ANGPTL7: variants seen among roughly 807,000 people sequenced by gnomAD.
ANGPTL7 encodes the protein angiopoietin like 7, also known as angiopoietin-related protein 7.
In ANGPTL7, 37 loss-of-function variants were observed where a neutral mutation model predicts 38.8. The observed-to-expected ratio is 0.95, with a 90% CI of 0.73 to 1.25. The LOEUF is 1.25. Ranked by LOEUF, ANGPTL7 falls within the 50% of genes most tolerant of loss-of-function variation. The pLI is 0.00. For synonymous variants in ANGPTL7, 166 were observed against 163.2 expected, an observed-to-expected ratio of 1.02 and a Z score of -0.13; for missense variants, 427 against 438.6, an observed-to-expected ratio of 0.97 and a Z score of 0.24.
rs777531070 is a variant in ANGPTL7, at chr1:11,189,550, A to T, written c.-30A>T. 20 of 1,560,514 alleles carry T rather than the reference A, an allele frequency of 1.3e-5. No individual in the cohort carries two copies. In the South Asian group the frequency reaches 1.7e-4, roughly 14 times the overall value. On this transcript the variant is annotated 5_prime_UTR_variant, in exon 1 of 5. Transcript: ENST00000376819. The stretch of plus-strand genomic sequence containing the variant: ...GGGCATCTCCAGACTCCCCTGAAGG[A>T]AGAGCCTTCCTCACCCAAACCCACA...
Position 11,189,905 on chromosome 1 carries a change from T to C in ANGPTL7, c.326T>C (p.Ile109Thr), listed in dbSNP as rs768514152. 8.7e-6 allele frequency: 14 copies of C among 1,613,720 alleles called. No individual in the cohort carries two copies. The highest frequency in any genetic ancestry group is 2.2e-5 in the East Asian group (1 of 44,882). ...ESKYSEMNNQ[I>T]DIMQLQAAQT... ...AAGTACTCCGAGATGAACAACCAAA[T>C]TGACATCATGCAGCTGCAGGCAGCA... The change falls in exon 1 of 5, where the codon ATT becomes ACT. Residue 109 changes from isoleucine to threonine, a missense_variant. Coordinates refer to ENST00000376819, the MANE Select transcript of ANGPTL7 (RefSeq NM_021146.4).
At chr1:11,194,243 A>C (rs1645685600) in intron 3 of ANGPTL7, among the ~76,000 whole-genome samples, 1 of 152,246 alleles carries the variant, frequency 6.6e-6, no homozygotes, top group South Asian at 2.1e-4. Context: ...AAGAGAGACT[A>C]ATCAAGGCCA....
At chr1:11,191,826 A>G (rs764507749) in intron 1 of ANGPTL7, among the ~76,000 whole-genome samples, 1 of 152,212 alleles carries the variant, frequency 6.6e-6, no homozygotes, top group African/African-American at 2.4e-5. Context: ...AACAACAAAA[A>G]CAACCAACCA....
At chr1:11,193,177 T>A (rs1028349057) in intron 2 of ANGPTL7, among the ~76,000 whole-genome samples, 5 of 151,694 alleles carry the variant, frequency 3.3e-5, no homozygotes, top group African/African-American at 1.2e-4. Context: ...ATTAGCCCAG[T>A]GTGGTGACAG....
chr1:11,193,621 C>T lies in ANGPTL7; in HGVS notation c.519C>T (p.Ile173=). The part of the protein sequence containing the change: ...DMETSGGGWT[I]IQRRKSGLVS... ...AGACTTCAGGCGGAGGCTGGACCAT[C>T]ATCCAGAGACGAAAAAGTGGCCTTG... Residue 173 remains isoleucine, a synonymous_variant, in exon 3 of 5, where the codon ATC becomes ATT. Transcript: ENST00000376819. 1.2e-6 allele frequency: 2 copies of T among 1,611,316 alleles called. No homozygotes were observed. The highest frequency in any genetic ancestry group is 1.7e-6 in the Non-Finnish European group (2 of 1,178,476).
Position 11,194,715 on chromosome 1 carries a change from T to C in ANGPTL7, c.871+56T>C, listed in dbSNP as rs12046799. Reference sequence around the variant, plus strand: ...TTCAGGTACAAGCTCATAATCCCACTTGAGGAGAAAGAGTGAATTATAACT... The same window carrying C: ...TTCAGGTACAAGCTCATAATCCCACCTGAGGAGAAAGAGTGAATTATAACT... On this transcript the variant is annotated intron_variant, in intron 4 of 4. Transcript: ENST00000376819. 17 of 1,610,482 alleles carry C rather than the reference T, an allele frequency of 1.1e-5. No individual in the cohort carries two copies. The Admixed American group carries it at 2.8e-4, about 27-fold the overall frequency.
rs1329215150 is a variant in ANGPTL7, at chr1:11,194,694, G to C, written c.871+35G>C. On this transcript the variant is annotated intron_variant, in intron 4 of 4. Coordinates refer to ENST00000376819, the MANE Select transcript of ANGPTL7 (RefSeq NM_021146.4). ...GGGGGGACCGGAAAGGAGAAGTTCAGGTACAAGCTCATAATCCCACTTGAG... is the reference window on the plus strand; with the variant it reads ...GGGGGGACCGGAAAGGAGAAGTTCACGTACAAGCTCATAATCCCACTTGAG... 3 of 1,613,180 alleles carry C rather than the reference G, an allele frequency of 1.9e-6. No homozygotes were observed. The African/African-American group carries it at 4.0e-5, about 22-fold the overall frequency.
intron 3 of ANGPTL7, 91 bp downstream of exon 3, chr1:11,193,865 A>C (rs1296303913): frequency 7.9e-7 from 1 of 1,272,930 alleles, no homozygotes; most frequent in African/African-American, 1.5e-5. Flanking sequence ...ATTCTGATTC[A>C]AGACAAATCT....
intron 2 of ANGPTL7, 116 bp downstream of exon 2, chr1:11,192,486 T>G (rs564734096): frequency 1.2e-6 from 1 of 841,496 alleles, no homozygotes; most frequent in South Asian, 1.5e-5. Flanking sequence ...CTGGGCGCAG[T>G]GGCTCACACC....
intron 2 of ANGPTL7, among the ~76,000 whole-genome samples, chr1:11,192,766 AAAG>A (rs1423425990): frequency 2.6e-5 from 4 of 151,270 alleles, no homozygotes; most frequent in South Asian, 2.1e-4. Context: ...AAAAAAAAAA[AAAG>A]GAAAACTCAA....
rs751094195 is a variant in ANGPTL7, at chr1:11,194,526, C to T, written c.738C>T (p.Ser246=). The change falls in exon 4 of 5, where the codon AGC becomes AGT. Residue 246 remains serine, a synonymous_variant. Transcript: ENST00000376819. The stretch of plus-strand genomic sequence containing the variant: ...TTGTTTTGGGCAATGAACTCAACAG[C>T]TATCGCCTCTTCCTGGGGAACTACA... ...SHFVLGNELN[S]YRLFLGNYTG... 1.1e-5 allele frequency: 17 copies of T among 1,614,024 alleles called. No individual in the cohort carries two copies. The highest frequency in any genetic ancestry group is 1.7e-5 in the Admixed American group (1 of 60,002).
At chr1:11,190,423 T>C (rs1385705987) in intron 1 of ANGPTL7, among the ~76,000 whole-genome samples, 2 of 152,222 alleles carry the variant, frequency 1.3e-5, no homozygotes, top group Non-Finnish European at 2.9e-5. Flanking sequence ...GAATTTTGTG[T>C]CCTCTCTCTG....
rs530190315 is a variant in ANGPTL7 at position 11,191,350 on chromosome 1, G to A, written c.377-920G>A. On this transcript the variant is annotated intron_variant, in intron 1 of 4. Transcript: ENST00000376819. ...AGACGAAATGAAGAATAGTGATGGCGAAGGCACACGTACTCTACCTCCCTT... is the reference window on the plus strand; with the variant it reads ...AGACGAAATGAAGAATAGTGATGGCAAAGGCACACGTACTCTACCTCCCTT... 2.4e-4 allele frequency among the ~76,000 whole-genome samples: 36 copies of A among 152,240 alleles called. No individual in the cohort carries two copies. In the South Asian group the frequency reaches 5.0e-3, roughly 21 times the overall value.
At chr1:11,191,834 C>T (rs1191587225) in intron 1 of ANGPTL7, among the ~76,000 whole-genome samples, 1 of 152,158 alleles carries the variant, frequency 6.6e-6, no homozygotes, top group East Asian at 1.9e-4. Context: ...AAACAACCAA[C>T]CAGGAAACAT....
chr1:11,193,746 A>G lies in ANGPTL7; in HGVS notation c.644A>G (p.Gln215Arg). Residue 215 changes from glutamine (Q) to arginine (R), a missense_variant, in exon 3 of 5, where the codon CAG becomes CGG. Coordinates refer to ENST00000376819, the MANE Select transcript of ANGPTL7 (RefSeq NM_021146.4). ...GAACACATCCACCGGCTCTCCAGAC[A>G]GCCAACCCGGCTGCGTGTAGAGATG... ...GNEHIHRLSR[Q>R]PTRLRVEMED... 1 of 1,614,138 alleles carries G rather than the reference A, an allele frequency of 6.2e-7. No individual in the cohort carries two copies. The highest frequency in any genetic ancestry group is 2.2e-5 in the East Asian group (1 of 44,886).
At chr1:11,194,733 T>C (rs1209803349) in intron 4 of ANGPTL7, 74 bp downstream of exon 4, 29 of 1,606,568 alleles carry the variant, frequency 1.8e-5, no homozygotes, top group Non-Finnish European at 2.3e-5. Flanking sequence ...AAAGAGTGAA[T>C]TATAACTGTA....
chr1:11,191,099 G>T (rs1001588851), intron 1 of ANGPTL7, among the ~76,000 whole-genome samples: 3 of 152,196 alleles, frequency 2.0e-5, no homozygotes, highest in African/African-American at 7.2e-5. Context: ...GCCAGACAGA[G>T]GAATCTGACC....
chr1:11,194,970 TACTCCCTCAAAC>T lies in ANGPTL7; in HGVS notation c.989_1000del (p.Tyr330_Arg334delinsTrp), dbSNP rs1645727518. The T allele has an allele frequency of 6.2e-7, 1 of 1,614,080 alleles. No individual in the cohort carries two copies. The highest frequency in any genetic ancestry group is 2.2e-5 in the East Asian group (1 of 44,868). The stretch of plus-strand genomic sequence containing the variant: ...CTGGTATGGCTGGCATGGATCTACC[TACTCCCTCAAAC>T]GGGTGGAGATGAAAATCCGCCCAGA... On this transcript the variant is annotated inframe_deletion, in exon 5 of 5. Transcript: ENST00000376819.
At position 11,193,583 on chromosome 1, in the gene ANGPTL7, T is replaced by A. The variant is rs751301688; in HGVS notation, c.481T>A (p.Phe161Ile). The change falls in exon 3 of 5, where the codon TTC (phenylalanine) becomes ATC (isoleucine). Residue 161 changes from phenylalanine (F) to isoleucine (I), a missense_variant. Phe to Ile is a conservative substitution (Grantham distance 21). Transcript: ENST00000376819. ...CAGAGTATCCCCTCTGCTTCAGGTG[T>A]TCTGTGACATGGAGACTTCAGGCGG... ...DFLGSPELEV[F>I]CDMETSGGGW... The A allele has an allele frequency of 3.3e-5, 52 of 1,585,476 alleles. No individual in the cohort carries two copies. The highest frequency in any genetic ancestry group is 4.4e-5 in the Non-Finnish European group (51 of 1,165,598).
Sources: gnomAD v4.1 joint callset for allele counts (sites outside exome capture counted in the v4.1 genomes callset) on GRCh38, gnomAD v4.1.1 for gene constraint, MANE v1.5 for transcripts, NCBI Gene and HGNC (gene_info 2026-07-23, HGNC 2026-07-21) for gene names.